The following GARIN1B variants were observed in gnomAD, a reference collection of about 807,000 sequenced individuals.
GARIN1B encodes Golgi-associated RAB2 interactor protein 1B.
the GARIN1B span, among the ~76,000 whole-genome samples, chr7:128,718,459 G>T: frequency 6.7e-6 from 1 of 149,054 alleles, no homozygotes; most frequent in Non-Finnish European, 1.5e-5. Flanking sequence ...AAGAAAGAAA[G>T]AAAAGAAAAA....
chr7:128,722,812 A>C, the GARIN1B span, among the ~76,000 whole-genome samples: 1 of 152,138 alleles, frequency 6.6e-6, no homozygotes, highest in East Asian at 1.9e-4. Context: ...TCAAAAAAAA[A>C]ACTCCACTAA....
chr7:128,719,979 C>T, the GARIN1B span, among the ~76,000 whole-genome samples: 32,944 of 151,750 alleles, frequency 0.22, 3,791 homozygotes, highest in East Asian at 0.38. Flanking sequence ...GGGTTACAGG[C>T]GTGAGGCACT....
At chr7:128,715,160 G>A in the GARIN1B span, 1 of 723,154 alleles carries the variant, frequency 1.4e-6, no homozygotes, top group Non-Finnish European at 1.7e-6. Flanking sequence ...TTTCTGCCTG[G>A]CTCACTGCTT....
chr7:128,723,499 G>A, the GARIN1B span: 2 of 517,236 alleles, frequency 3.9e-6, no homozygotes, highest in Non-Finnish European at 6.3e-6. Flanking sequence ...GATTGCTTGA[G>A]GTCAGGAATT....
the GARIN1B span, among the ~76,000 whole-genome samples, chr7:128,722,419 T>G: frequency 7.9e-5 from 12 of 152,310 alleles, no homozygotes; most frequent in South Asian, 1.2e-3. Flanking sequence ...CTGGAGCACT[T>G]TTGAGTATCA....
the GARIN1B span, among the ~76,000 whole-genome samples, chr7:128,710,079 G>C: frequency 6.6e-6 from 1 of 151,998 alleles, no homozygotes; most frequent in Non-Finnish European, 1.5e-5. Flanking sequence ...CACTACACCT[G>C]GCTAATTTTT....
the GARIN1B span, among the ~76,000 whole-genome samples, chr7:128,713,090 G>A: frequency 6.6e-6 from 1 of 152,074 alleles, no homozygotes; most frequent in Non-Finnish European, 1.5e-5. Context: ...GGATTACTTA[G>A]GGCCAGGAGT....
At chr7:128,728,275 C>T in the GARIN1B span, among the ~76,000 whole-genome samples, 1 of 152,102 alleles carries the variant, frequency 6.6e-6, no homozygotes, top group African/African-American at 2.4e-5. Context: ...AACCCCATCT[C>T]TACTAAAAAT....
chr7:128,714,381 A>AGCCTGACCAACATGGAGAAACCC, the GARIN1B span, among the ~76,000 whole-genome samples: 1 of 152,150 alleles, frequency 6.6e-6, no homozygotes, highest in African/African-American at 2.4e-5. Context: ...GTTCGAGACC[A>AGCCTGACCAACATGGAGAAACCC]GCCTGACCAA....
chr7:128,711,658 GACACACACAC>G, the GARIN1B span, among the ~76,000 whole-genome samples: 12,437 of 144,930 alleles, frequency 0.086, 610 homozygotes, highest in African/African-American at 0.13. Flanking sequence ...TGGTTTTACA[GACACACACAC>G]ACACACACAC....
chr7:128,730,320 G>A, the GARIN1B span, among the ~76,000 whole-genome samples: 10 of 152,130 alleles, frequency 6.6e-5, no homozygotes, highest in Admixed American at 1.3e-4. Flanking sequence ...CTTGCTGTAT[G>A]GGAGGTGTAA....
the GARIN1B span, among the ~76,000 whole-genome samples, chr7:128,729,302 A>AC: frequency 6.6e-6 from 1 of 152,306 alleles, no homozygotes; most frequent in Admixed American, 6.5e-5. Flanking sequence ...CTTTCCACTC[A>AC]CCACCAGCAG....
At chr7:128,729,973 G>C in the GARIN1B span, 1 of 1,614,132 alleles carries the variant, frequency 6.2e-7, no homozygotes, top group Non-Finnish European at 8.5e-7. Context: ...ATTCACGTAC[G>C]GAGAGTGGGA....
the GARIN1B span, among the ~76,000 whole-genome samples, chr7:128,724,476 T>A: frequency 6.6e-6 from 1 of 152,168 alleles, no homozygotes; most frequent in African/African-American, 2.4e-5. Context: ...GAGTCTGTTC[T>A]GGAAAGCTCC....
chr7:128,721,676 G>GA, the GARIN1B span, among the ~76,000 whole-genome samples: 4 of 152,152 alleles, frequency 2.6e-5, no homozygotes, highest in East Asian at 3.9e-4. Context: ...CTGATCTTAG[G>GA]AAAAAAACAT....
the GARIN1B span, among the ~76,000 whole-genome samples, chr7:128,724,195 G>C: frequency 6.6e-6 from 1 of 151,978 alleles, no homozygotes; most frequent in Non-Finnish European, 1.5e-5. Flanking sequence ...ATTTTTAGTA[G>C]AGACAGGGTT....
At chr7:128,729,469 GGGC>G in the GARIN1B span, among the ~76,000 whole-genome samples, 1 of 152,192 alleles carries the variant, frequency 6.6e-6, no homozygotes, top group Non-Finnish European at 1.5e-5. Flanking sequence ...GCTGGGCTGT[GGGC>G]CATCCTTTGA....
the GARIN1B span, chr7:128,715,568 G>A: frequency 1.2e-6 from 2 of 1,614,040 alleles, no homozygotes; most frequent in Non-Finnish European, 1.7e-6. Flanking sequence ...CTTGCCTGTG[G>A]ATGGAGAGCC....
At chr7:128,725,445 C>T in the GARIN1B span, among the ~76,000 whole-genome samples, 2 of 152,030 alleles carry the variant, frequency 1.3e-5, no homozygotes, top group African/African-American at 4.8e-5. Context: ...CATCTCAGCT[C>T]ACTGCAACCT....
Sources: allele counts gnomAD v4.1 joint callset (sites outside exome capture counted in the v4.1 genomes callset), GRCh38; gene constraint gnomAD v4.1.1; transcripts MANE v1.5; gene names NCBI Gene and HGNC (gene_info 2026-07-23, HGNC 2026-07-21).